The following NEK11 variants were observed in gnomAD, a reference collection of about 807,000 sequenced individuals.
NEK11 encodes NIMA related kinase 11.
Under a neutral mutation model 80.7 loss-of-function variants are expected in NEK11, and 72 were observed. That is an observed-to-expected ratio of 0.89 (90% confidence interval 0.74 to 1.08). The LOEUF is 1.08. NEK11 is among the 50% of genes least tolerant of loss of function. The probability of loss-of-function intolerance (pLI) is 0.00; values close to 1 mark genes in which losing one functional copy is unlikely to be tolerated. For synonymous variants in NEK11, 251 were observed against 260.7 expected, an observed-to-expected ratio of 0.96 and a Z score of 0.36; for missense variants, 764 against 763.6, an observed-to-expected ratio of 1.00 and a Z score of -0.01.
chr3:131,311,242 A>G (rs754969902), intron 17 of NEK11, among the ~76,000 whole-genome samples: 23 of 152,200 alleles, frequency 1.5e-4, no homozygotes, highest in Non-Finnish European at 2.1e-4. Context: ...AGCATTTATC[A>G]TTTCTATGTG....
chr3:131,291,069 C>G (rs1192480104), intron 17 of NEK11, among the ~76,000 whole-genome samples: 1 of 152,102 alleles, frequency 6.6e-6, no homozygotes, highest in African/African-American at 2.4e-5. Context: ...TTTCACTACC[C>G]TAAAAATACT....
intron 3 of NEK11, among the ~76,000 whole-genome samples, chr3:131,037,585 A>C (rs997963215): frequency 1.3e-5 from 2 of 152,226 alleles, no homozygotes; most frequent in African/African-American, 4.8e-5. Flanking sequence ...CCCAGCAGGA[A>C]TAATAATTCT....
chr3:131,251,158 A>G (rs1375222214), intron 16 of NEK11, among the ~76,000 whole-genome samples: 1 of 151,132 alleles, frequency 6.6e-6, no homozygotes, highest in East Asian at 1.9e-4. Flanking sequence ...TTTAAAAAAA[A>G]TAGTTGTATA....
chr3:131,099,148 T>C (rs2077960947), intron 4 of NEK11, among the ~76,000 whole-genome samples: 1 of 152,232 alleles, frequency 6.6e-6, no homozygotes, highest in Non-Finnish European at 1.5e-5. Context: ...TTAATTTTTG[T>C]ATGTGGTAAA....
intron 3 of NEK11, among the ~76,000 whole-genome samples, chr3:131,063,476 T>C (rs1440589639): frequency 6.6e-6 from 1 of 152,120 alleles, no homozygotes; most frequent in Non-Finnish European, 1.5e-5. Context: ...GCAACTGTCC[T>C]TTTTCTCAGA....
chr3:131,182,549 G>A (rs1336275656), intron 14 of NEK11, among the ~76,000 whole-genome samples: 2 of 152,166 alleles, frequency 1.3e-5, no homozygotes, highest in African/African-American at 4.8e-5. Context: ...TGAATGTGTA[G>A]TATAAACATA....
At chr3:131,314,903 GT>G (rs1225818566) in intron 17 of NEK11, among the ~76,000 whole-genome samples, 1 of 152,122 alleles carries the variant, frequency 6.6e-6, no homozygotes. Flanking sequence ...AAGTTAAATA[GT>G]TTAAAAAGCA....
intron 3 of NEK11, among the ~76,000 whole-genome samples, chr3:131,079,201 A>G (rs2149011898): frequency 6.6e-6 from 1 of 152,342 alleles, no homozygotes; most frequent in Admixed American, 6.5e-5. Context: ...GGGAATAAAC[A>G]CAATGACTTG....
chr3:131,081,214 C>T (rs1402887050), intron 4 of NEK11, among the ~76,000 whole-genome samples: 3 of 152,182 alleles, frequency 2.0e-5, no homozygotes, highest in South Asian at 2.1e-4. Context: ...GATGCTTAGA[C>T]GGACATTTAA....
chr3:131,146,842 C>A (rs2718870), intron 7 of NEK11, among the ~76,000 whole-genome samples: 1 of 151,930 alleles, frequency 6.6e-6, no homozygotes, highest in Non-Finnish European at 1.5e-5. Flanking sequence ...GGCCATTTAG[C>A]GTCCGTTCAA....
Position 131,170,760 on chromosome 3 carries a change from T to C in NEK11, c.1285-13T>C, listed in dbSNP as rs199946089. On this transcript the variant is annotated splice_polypyrimidine_tract_variant and intron_variant, in intron 13 of 17. Coordinates refer to ENST00000383366, the MANE Select transcript of NEK11 (RefSeq NM_024800.5). ...TATCAGCATCTCATGAATTGTTAAT[T>C]ACCTTCCACAAGGAATCTGATGAAC... 104 of 1,527,352 alleles carry C rather than the reference T, an allele frequency of 6.8e-5. No homozygotes were observed. In the Middle Eastern group the frequency reaches 1.5e-3, roughly 22 times the overall value. 94.6% of individuals were successfully genotyped at this position (1,527,352 alleles called of 1,614,324 possible).
chr3:131,281,237 T>C (rs952201026), intron 17 of NEK11, among the ~76,000 whole-genome samples: 1 of 152,234 alleles, frequency 6.6e-6, no homozygotes, highest in Non-Finnish European at 1.5e-5. Flanking sequence ...TAATGAAGAC[T>C]AGCTTCTATC....
intron 17 of NEK11, among the ~76,000 whole-genome samples, chr3:131,348,932 T>C (rs2097408739): frequency 6.6e-6 from 1 of 151,910 alleles, no homozygotes; most frequent in South Asian, 2.1e-4. Flanking sequence ...AAAACTATTC[T>C]CCCCCTCATT....
At chr3:131,110,729 A>G (rs182633052) in intron 5 of NEK11, among the ~76,000 whole-genome samples, 11 of 152,298 alleles carry the variant, frequency 7.2e-5, no homozygotes, top group Non-Finnish European at 1.6e-4. Context: ...GGTAATTTAT[A>G]AAGCACACCA....
At chr3:131,161,300 A>G (rs1037412581) in intron 10 of NEK11, among the ~76,000 whole-genome samples, 3 of 152,216 alleles carry the variant, frequency 2.0e-5, no homozygotes, top group Admixed American at 1.3e-4. Flanking sequence ...CTAAAAATAG[A>G]ATACCATTTG....
chr3:131,089,485 CT>C (rs2076435279), intron 4 of NEK11, among the ~76,000 whole-genome samples: 1 of 152,176 alleles, frequency 6.6e-6, no homozygotes, highest in Non-Finnish European at 1.5e-5. Flanking sequence ...ATTGCCCAGT[CT>C]TGAGGGCAGT....
intron 4 of NEK11, among the ~76,000 whole-genome samples, chr3:131,100,673 G>A (rs1276280608): frequency 3.3e-5 from 5 of 152,276 alleles, no homozygotes; most frequent in South Asian, 2.1e-4. Context: ...TTGCATCAAT[G>A]TTCATCATGG....
chr3:131,288,614 G>A (rs1200040739), intron 17 of NEK11, among the ~76,000 whole-genome samples: 1 of 151,758 alleles, frequency 6.6e-6, no homozygotes, highest in Non-Finnish European at 1.5e-5. Flanking sequence ...CACCGTGCCT[G>A]GCTAATTTTG....
chr3:131,303,342 G>A (rs4974462), intron 17 of NEK11, among the ~76,000 whole-genome samples: 116,018 of 152,060 alleles, frequency 0.76, 44,375 homozygotes, highest in South Asian at 0.81. Flanking sequence ...GTTAATATTG[G>A]TATGTGTGGA....
Sources: allele counts gnomAD v4.1 joint callset (sites outside exome capture counted in the v4.1 genomes callset), GRCh38; gene constraint gnomAD v4.1.1; transcripts MANE v1.5; gene names NCBI Gene and HGNC (gene_info 2026-07-23, HGNC 2026-07-21).